The following RPF2 variants were observed in gnomAD, a reference collection of about 807,000 sequenced individuals.
The protein encoded by RPF2 is ribosome production factor 2 homolog.
RPF2 carries 21 observed loss-of-function variants against 38.9 expected under a neutral mutation model. The ratio of observed to expected loss-of-function variants is 0.54; its 90% confidence interval spans 0.38 to 0.78. The LOEUF (loss-of-function observed/expected upper bound fraction) is 0.78, where lower values mean the gene tolerates loss of function less well. Among genes scored for constraint, RPF2 ranks in the 30% least tolerant of loss-of-function variants. The pLI, the probability that RPF2 is intolerant of heterozygous loss-of-function variation, is 0.00. For synonymous variants in RPF2, 121 were observed against 126.2 expected (o/e 0.96, Z 0.28); for missense variants, 314 against 358.1 (o/e 0.88, Z 0.99).
chr6:110,997,584 T>TA (rs1401788409), intron 5 of RPF2, among the ~76,000 whole-genome samples: 1 of 151,934 alleles, frequency 6.6e-6, no homozygotes, highest in African/African-American at 2.4e-5. Context: ...CTACTAAAAA[T>TA]ACAAAAATTA....
intron 2 of RPF2, among the ~76,000 whole-genome samples, chr6:110,988,520 C>T (rs1297299580): frequency 2.6e-5 from 4 of 151,570 alleles, no homozygotes; most frequent in Admixed American, 1.3e-4. Flanking sequence ...ACCACAGCCT[C>T]GAATTCCTGA....
chr6:111,022,102 G>T (rs1337522582), intron 8 of RPF2, among the ~76,000 whole-genome samples: 2 of 152,192 alleles, frequency 1.3e-5, no homozygotes, highest in East Asian at 3.9e-4. Context: ...AAAATCGTTA[G>T]TAATGCCACA....
rs1772283342 is a variant in RPF2, at chr6:111,024,235, A to T, written c.649A>T (p.Met217Leu). The change falls in exon 9 of 10, where the codon ATG becomes TTG. Residue 217 changes from methionine to leucine, a missense_variant. Transcript: ENST00000441448. ...AACACCACGGATTGAATTGGAAGAGATGGGACCCTCATTGGATCTGGTTCT... is the reference window on the plus strand; with the variant it reads ...AACACCACGGATTGAATTGGAAGAGTTGGGACCCTCATTGGATCTGGTTCT... Reference protein sequence around the residue: ...CRTPRIELEEMGPSLDLVLRR... With the variant: ...CRTPRIELEELGPSLDLVLRR... 1 of 1,611,720 alleles carries T rather than the reference A, an allele frequency of 6.2e-7. No homozygotes were observed. Among genetic ancestry groups the T allele is most frequent in the Non-Finnish European group, 8.5e-7 (1 of 1,179,792 alleles).
intron 6 of RPF2, among the ~76,000 whole-genome samples, chr6:111,006,516 C>T (rs190369755): frequency 2.8e-4 from 43 of 152,074 alleles, no homozygotes; most frequent in Admixed American, 2.4e-3. Context: ...GGATTATAGG[C>T]GTGAACCACT....
At chr6:110,997,559 G>T (rs989149984) in intron 5 of RPF2, among the ~76,000 whole-genome samples, 1 of 152,068 alleles carries the variant, frequency 6.6e-6, no homozygotes, top group Non-Finnish European at 1.5e-5. Context: ...TGGCCAACAT[G>T]GTGAAACCCC....
chr6:111,006,532 C>G (rs1480838108), intron 6 of RPF2, among the ~76,000 whole-genome samples: 1 of 152,158 alleles, frequency 6.6e-6, no homozygotes, highest in East Asian at 1.9e-4. Context: ...CCACTGTGCC[C>G]AGCCCATAGC....
At chr6:110,994,304 G>GC (rs1771670196) in intron 4 of RPF2, among the ~76,000 whole-genome samples, 1 of 151,460 alleles carries the variant, frequency 6.6e-6, no homozygotes. Context: ...AGTTGGTTAG[G>GC]CTGGGCACCG....
intron 8 of RPF2, 35 bp downstream of exon 8, chr6:111,015,891 C>A: frequency 2.1e-6 from 3 of 1,446,860 alleles, no homozygotes; most frequent in East Asian, 2.3e-5. Flanking sequence ...TCTTAATCCT[C>A]AGGGTTAGTG....
chr6:111,001,786 T>C (rs1771815544), intron 6 of RPF2, among the ~76,000 whole-genome samples: 1 of 152,184 alleles, frequency 6.6e-6, no homozygotes, highest in Admixed American at 6.5e-5. Context: ...GATGAGCACC[T>C]TCCAGTCCCT....
At chr6:111,017,020 C>G (rs570311333) in intron 8 of RPF2, among the ~76,000 whole-genome samples, 25 of 152,338 alleles carry the variant, frequency 1.6e-4, no homozygotes, top group African/African-American at 6.0e-4. Context: ...AGATCAACAG[C>G]ATCCCAAGGC....
intron 5 of RPF2, among the ~76,000 whole-genome samples, chr6:110,998,757 AAAT>A (rs1277902644): frequency 6.6e-6 from 1 of 151,990 alleles, no homozygotes; most frequent in Non-Finnish European, 1.5e-5. Context: ...TGTCTCTCTA[AAAT>A]AATAATTGGT....
chr6:111,012,185 T>TTTTTTTTTTTG (rs1772029344), intron 7 of RPF2, among the ~76,000 whole-genome samples: 1 of 151,338 alleles, frequency 6.6e-6, no homozygotes. Flanking sequence ...TTTCTTTTTT[T>TTTTTTTTTTTG]GAGACAGGGT....
chr6:111,010,326 G>A (rs7748533), intron 7 of RPF2, among the ~76,000 whole-genome samples: 19,597 of 151,772 alleles, frequency 0.13, 1,751 homozygotes, highest in East Asian at 0.5. Flanking sequence ...GGGTCTCCCT[G>A]TATTGCCCAG....
In RPF2 at chr6:111,027,899, G is replaced by T. The variant is rs1353614154; in HGVS notation, c.*2317G>T. 1 of 152,172 alleles carries T rather than the reference G, an allele frequency of 6.6e-6. No individual in the cohort carries two copies. The highest frequency in any genetic ancestry group is 1.5e-5 in the Non-Finnish European group (1 of 68,014). The allele number at this position is 152,172 out of a possible 1,614,324, so 9.4% of individuals were successfully genotyped here. On this transcript the variant is annotated 3_prime_UTR_variant, in exon 10 of 10. Coordinates refer to ENST00000441448, the MANE Select transcript of RPF2 (RefSeq NM_032194.3). ...GCTGCCATTTATATCACTTTTTGTG[G>T]AGAGCACATCTTGATTTTCAGTTGT...
chr6:110,999,835 C>G (rs775002310), intron 6 of RPF2, 48 bp downstream of exon 6: 1 of 1,013,080 alleles, frequency 9.9e-7, no homozygotes, highest in South Asian at 1.3e-5. Flanking sequence ...CTTCTCTTGA[C>G]CAGTAGTGAC....
At chr6:110,995,094 G>A (rs868375025) in intron 4 of RPF2, among the ~76,000 whole-genome samples, 3 of 151,912 alleles carry the variant, frequency 2.0e-5, no homozygotes, top group Middle Eastern at 3.4e-3. Flanking sequence ...TACTAGAGAC[G>A]GGATTTTGCC....
intron 6 of RPF2, among the ~76,000 whole-genome samples, chr6:111,007,732 G>A (rs1771936909): frequency 6.6e-6 from 1 of 152,074 alleles, no homozygotes; most frequent in African/African-American, 2.4e-5. Flanking sequence ...ATCATTTGAG[G>A]TCAGGAGTTT....
intron 6 of RPF2, among the ~76,000 whole-genome samples, chr6:111,000,482 C>G (rs778643047): frequency 9.2e-5 from 14 of 152,174 alleles, no homozygotes; most frequent in Non-Finnish European, 2.1e-4. Context: ...GAAGCTCTGG[C>G]TGATTCTATA....
intron 4 of RPF2, among the ~76,000 whole-genome samples, chr6:110,994,727 G>GTATATATATATATATATA (rs147149680): frequency 0.011 from 1,212 of 106,678 alleles, 26 homozygotes; most frequent in African/African-American, 0.029. Context: ...AATGGGATGA[G>GTATATATATATATATATA]TATATATACA....
Sources: allele counts gnomAD v4.1 joint callset (sites outside exome capture counted in the v4.1 genomes callset), GRCh38; gene constraint gnomAD v4.1.1; transcripts MANE v1.5; gene names NCBI Gene and HGNC (gene_info 2026-07-23, HGNC 2026-07-21).